The following SOX6 variants were observed in gnomAD, a reference collection of about 807,000 sequenced individuals.
The protein encoded by SOX6 is transcription factor SOX-6.
Under a neutral mutation model 97.8 loss-of-function variants are expected in SOX6, and 11 were observed. The observed-to-expected ratio is 0.11, with a 90% CI of 0.07 to 0.19. The LOEUF (loss-of-function observed/expected upper bound fraction) is 0.19, where lower values mean the gene tolerates loss of function less well. Ranked by LOEUF, SOX6 falls within the 10% of genes least tolerant of loss-of-function variation. SOX6 has a pLI of 1.00. For missense variants in SOX6, 810 were observed against 1,039.5 expected (o/e 0.78, Z 3.04); for synonymous variants, 360 against 371.4 (o/e 0.97, Z 0.35).
chr11:16,356,937 A>G (rs1454549419), upstream of SOX6, among the ~76,000 whole-genome samples: 1 of 152,168 alleles, frequency 6.6e-6, no homozygotes, highest in Non-Finnish European at 1.5e-5. Flanking sequence ...TACAATAAGT[A>G]GATGGGGTGA....
At chr11:16,525,656 T>G (rs1590233569) in intron 4 of SOX6, among the ~76,000 whole-genome samples, 1 of 151,680 alleles carries the variant, frequency 6.6e-6, no homozygotes. Flanking sequence ...CTAAAGAGCT[T>G]CTGCACAGCA....
intron 3 of SOX6, among the ~76,000 whole-genome samples, chr11:16,259,677 T>C (rs1853814809): frequency 6.6e-6 from 1 of 152,134 alleles, no homozygotes; most frequent in Non-Finnish European, 1.5e-5. Flanking sequence ...GTGTATACTT[T>C]ATAGTTCCAT....
intron 9 of SOX6, among the ~76,000 whole-genome samples, chr11:16,066,729 A>G (rs1326906646): frequency 1.3e-5 from 2 of 152,146 alleles, no homozygotes; most frequent in Non-Finnish European, 2.9e-5. Context: ...GAGAGTAGAA[A>G]GATGGTTATC....
intron 3 of SOX6, among the ~76,000 whole-genome samples, chr11:16,690,980 A>G (rs960293218): frequency 4.6e-5 from 7 of 152,250 alleles, no homozygotes; most frequent in South Asian, 2.1e-4. Flanking sequence ...TAACTCCCCA[A>G]TGGAAGCAGG....
chr11:16,490,295 T>C (rs1026219029), intron 4 of SOX6, among the ~76,000 whole-genome samples: 1 of 152,064 alleles, frequency 6.6e-6, no homozygotes, highest in African/African-American at 2.4e-5. Context: ...TGATATAGTT[T>C]GCTTAACCCT....
At chr11:16,123,951 T>C (rs1441784628) in intron 6 of SOX6, among the ~76,000 whole-genome samples, 2 of 152,104 alleles carry the variant, frequency 1.3e-5, no homozygotes, top group Non-Finnish European at 2.9e-5. Context: ...CATTGTACCA[T>C]GATGTTTCTC....
At chr11:16,183,843 A>T in intron 6 of SOX6, 43 bp downstream of exon 6, 1 of 1,571,456 alleles carries the variant, frequency 6.4e-7, no homozygotes, top group Non-Finnish European at 8.8e-7. Flanking sequence ...CAAGGAGGAA[A>T]GTATCTAAGT....
chr11:16,289,425 T>C (rs1443749797), intron 3 of SOX6, among the ~76,000 whole-genome samples: 6 of 152,004 alleles, frequency 3.9e-5, no homozygotes, highest in Non-Finnish European at 8.8e-5. Context: ...GCTAAGGTTT[T>C]CAGCAGGCAG....
chr11:16,477,072 G>T (rs1485038471), upstream of SOX6, among the ~76,000 whole-genome samples: 2 of 152,098 alleles, frequency 1.3e-5, no homozygotes, highest in Non-Finnish European at 2.9e-5. Flanking sequence ...CATTAAGGTG[G>T]TTTGGTAGTT....
rs1463710777 is a variant in SOX6 at position 16,186,966 on chromosome 11, A to C, written c.536-11T>G. On this transcript the variant is annotated splice_polypyrimidine_tract_variant and intron_variant, in intron 4 of 15. Transcript: ENST00000683767. ...GGCTCTCAGGTGTACCTAAAATGGA[A>C]GCAAGAAGAGATCTCACAAGCTTGA... 1 of 1,613,608 alleles carries C rather than the reference A, an allele frequency of 6.2e-7. No individual in the cohort carries two copies.
At chr11:15,991,896 C>T (rs1347994435) in intron 13 of SOX6, among the ~76,000 whole-genome samples, 1 of 152,140 alleles carries the variant, frequency 6.6e-6, no homozygotes, top group Non-Finnish European at 1.5e-5. Context: ...CTTCACATAT[C>T]CTTCCTACTC....
chr11:16,113,791 T>C (rs187778369), intron 6 of SOX6, among the ~76,000 whole-genome samples: 1 of 152,336 alleles, frequency 6.6e-6, no homozygotes, highest in Admixed American at 6.5e-5. Context: ...TTTATTATGT[T>C]GTTATTACTG....
chr11:16,346,148 G>A (rs1856771007), intron 1 of SOX6, among the ~76,000 whole-genome samples: 1 of 35,712 alleles, frequency 2.8e-5, no homozygotes, highest in Admixed American at 3.6e-4. Context: ...GGCTACCAAG[G>A]TAGACTCATT....
rs1169604354 is a variant in SOX6, at chr11:16,411,167, CT to C, written c.-5+65147del. On this transcript the variant is annotated intron_variant, in intron 1 of 15. Coordinates refer to the SOX6 transcript ENST00000396356. ...TTCTACATAATGACTGATAGTAAAA[CT>C]GTAAAATCTACTACCTCTGAGAAAC... is the stretch of plus-strand genomic sequence containing the variant. 2.6e-5 allele frequency among the ~76,000 whole-genome samples: 4 copies of C among 152,082 alleles called. No homozygotes were observed. The East Asian group carries it at 7.7e-4, about 29-fold the overall frequency.
intron 1 of SOX6, among the ~76,000 whole-genome samples, chr11:16,432,161 T>C (rs1272111215): frequency 6.6e-6 from 1 of 152,082 alleles, no homozygotes; most frequent in African/African-American, 2.4e-5. Flanking sequence ...AAAAATATAG[T>C]TACCTTCATT....
chr11:16,098,415 G>A (rs1590194890), intron 7 of SOX6, among the ~76,000 whole-genome samples: 1 of 151,966 alleles, frequency 6.6e-6, no homozygotes, highest in East Asian at 1.9e-4. Flanking sequence ...ACCTGGTAAA[G>A]AGTGAGTATG....
At chr11:16,583,194 G>A (rs1848047002) in intron 4 of SOX6, among the ~76,000 whole-genome samples, 1 of 151,834 alleles carries the variant, frequency 6.6e-6, no homozygotes, top group African/African-American at 2.4e-5. Flanking sequence ...ATGTTTGCAA[G>A]GTACATAGTG....
Position 16,099,731 on chromosome 11 carries a change from T to A in SOX6, c.899-2043A>T, listed in dbSNP as rs75193651. 2.8e-4 allele frequency among the ~76,000 whole-genome samples: 43 copies of A among 151,608 alleles called. No individual in the cohort carries two copies. The East Asian group carries it at 5.8e-3, about 21-fold the overall frequency. On this transcript the variant is annotated intron_variant, in intron 7 of 15. Coordinates refer to ENST00000683767, the MANE Select transcript of SOX6 (RefSeq NM_001367873.1). ...GCTTTTTTTTTTTTTTTTACAGCTTTTGGCTTGCCAGTTAATTTATTACTA... is the reference window on the plus strand; with the variant it reads ...GCTTTTTTTTTTTTTTTTACAGCTTATGGCTTGCCAGTTAATTTATTACTA...
In SOX6 at chr11:16,650,697, TA is replaced by T. The variant is rs1344825136; in HGVS notation, n.430-38438del. Among the ~76,000 whole-genome samples, 3 of 151,988 alleles carry T rather than the reference TA, an allele frequency of 2.0e-5. No individual in the cohort carries two copies. The East Asian group carries it at 5.8e-4, about 29-fold the overall frequency. Reference sequence around the variant, plus strand: ...TCTGAAAGAGCACAAGTAGATAATCTAAGGCCACACCTCAAGGAACTAGAGA... The same window carrying T: ...TCTGAAAGAGCACAAGTAGATAATCTAGGCCACACCTCAAGGAACTAGAGA... On this transcript the variant is annotated intron_variant and non_coding_transcript_variant, in intron 3 of 5. Transcript: ENST00000524520.
Sources: allele counts gnomAD v4.1 joint callset (sites outside exome capture counted in the v4.1 genomes callset), GRCh38; gene constraint gnomAD v4.1.1; transcripts MANE v1.5; gene names NCBI Gene and HGNC (gene_info 2026-07-23, HGNC 2026-07-21).